TRMT10C: variants seen among roughly 807,000 people sequenced by gnomAD.
The protein encoded by TRMT10C is tRNA methyltransferase 10 homolog C.
Under a neutral mutation model 27.4 loss-of-function variants are expected in TRMT10C, and 14 were observed. That is an observed-to-expected ratio of 0.51 (90% CI 0.34 to 0.80). The LOEUF (loss-of-function observed/expected upper bound fraction) is 0.80, where lower values mean the gene tolerates loss of function less well. Among genes scored for constraint, TRMT10C ranks in the 30% least tolerant of loss-of-function variants. The pLI, the probability that TRMT10C is intolerant of heterozygous loss-of-function variation, is 0.02. For missense variants in TRMT10C, 438 were observed against 464.8 expected, an observed-to-expected ratio of 0.94 and a Z score of 0.53; for synonymous variants, 143 against 155.9, an observed-to-expected ratio of 0.92 and a Z score of 0.62.
In TRMT10C at chr3:101,564,928, T is replaced by C. The variant is rs1934484162; in HGVS notation, c.147T>C (p.Tyr49=). Residue 49 remains tyrosine (Y), a synonymous_variant, in exon 2 of 2, where the codon TAT becomes TAC. Transcript: ENST00000309922. ...YMSSKIPAVT[Y]PKNESTPPSE... ...CTTCCAAAATACCAGCTGTTACTTA[T>C]CCTAAAAATGAGAGTACACCCCCTT... The C allele has an allele frequency of 6.2e-7, 1 of 1,613,808 alleles. No individual in the cohort carries two copies. The highest frequency in any genetic ancestry group is 8.5e-7 in the Non-Finnish European group (1 of 1,179,966).
In TRMT10C at chr3:101,565,667, A is replaced by G. The variant is rs1384999527; in HGVS notation, c.886A>G (p.Asn296Asp). ...TATCTATTTAACTGCAGATTCTCCC[A>G]ATGTTATGACTACTTTCAGGCATGA... ...SIIYLTADSP[N>D]VMTTFRHDKV... is the part of the protein sequence containing the mutation. Residue 296 changes from asparagine (N) to aspartate (D), a missense_variant, in exon 2 of 2, where the codon AAT becomes GAT. Asn to Asp is a conservative substitution (Grantham distance 23). Coordinates refer to ENST00000309922, the MANE Select transcript of TRMT10C (RefSeq NM_017819.4). The G allele has an allele frequency of 1.2e-6, 2 of 1,614,056 alleles. No individual in the cohort carries two copies. Among genetic ancestry groups the G allele is most frequent in the Non-Finnish European group, 1.7e-6 (2 of 1,180,012 alleles).
chr3:101,562,689 T>C (rs1330749017), intron 1 of TRMT10C, among the ~76,000 whole-genome samples: 1 of 151,848 alleles, frequency 6.6e-6, no homozygotes, highest in Non-Finnish European at 1.5e-5. Flanking sequence ...TTTTTCTTTT[T>C]TTTTTTTTTA....
Position 101,564,847 on chromosome 3 carries a change from G to T in TRMT10C, c.66G>T (p.Val22=). ...TCAGACCTTTCACCAGGTTTTTGGT[G>T]CCATTTACCCTTCATAGGAAGAGAA... ...NFFRPFTRFL[V]PFTLHRKRNN... The change falls in exon 2 of 2, where the codon GTG becomes GTT. Residue 22 remains valine, a synonymous_variant. Coordinates refer to ENST00000309922, the MANE Select transcript of TRMT10C (RefSeq NM_017819.4). 6.2e-7 allele frequency: 1 copy of T among 1,612,278 alleles called. No homozygotes were observed. The highest frequency in any genetic ancestry group is 1.7e-4 in the Middle Eastern group (1 of 6,054).
In TRMT10C at chr3:101,565,384, T is replaced by A; in HGVS notation, c.603T>A (p.Phe201Leu). ...MGWKGAQAMQ[F>L]GQPLVFDMAY... ...GGAAGGGTGCCCAGGCCATGCAGTT[T>A]GGACAACCTTTGGTTTTTGACATGG... The change falls in exon 2 of 2, where the codon TTT becomes TTA. Residue 201 changes from phenylalanine (F) to leucine (L), a missense_variant. By Grantham distance (22) the Phe-to-Leu change is conservative. Around this residue, in one of 3 missense-constraint regions of TRMT10C, gnomAD observed 350 missense variants for 370.5 expected, o/e 0.94. Coordinates refer to ENST00000309922, the MANE Select transcript of TRMT10C (RefSeq NM_017819.4). 3 of 1,614,152 alleles carry A rather than the reference T, an allele frequency of 1.9e-6. No homozygotes were observed. Among genetic ancestry groups the A allele is most frequent in the Non-Finnish European group, 2.5e-6 (3 of 1,180,036 alleles).
In TRMT10C at chr3:101,565,473, A is replaced by G; in HGVS notation, c.692A>G (p.Glu231Gly). The G allele has an allele frequency of 6.2e-7, 1 of 1,614,166 alleles. No homozygotes were observed. The change falls in exon 2 of 2, where the codon GAA becomes GGA. Residue 231 changes from glutamate to glycine, a missense_variant. Glu to Gly is a moderately conservative substitution (Grantham distance 98). Around this residue, in one of 3 missense-constraint regions of TRMT10C, gnomAD observed 350 missense variants for 370.5 expected, o/e 0.94. Transcript: ENST00000309922. ...QNTVSQLLES[E>G]GWNRRNVDPF... is the part of the protein sequence containing the mutation. Reference sequence around the variant, plus strand: ...ACTGTTTCCCAGCTTTTAGAAAGTGAAGGATGGAACAGAAGAAATGTTGAT... The same window carrying G: ...ACTGTTTCCCAGCTTTTAGAAAGTGGAGGATGGAACAGAAGAAATGTTGAT...
In TRMT10C at chr3:101,565,864, A is replaced by T; in HGVS notation, c.1083A>T (p.Leu361Phe). ...LTLDQMIRILLCLKNNGNWQE... is the reference protein window; with the variant it reads ...LTLDQMIRILFCLKNNGNWQE... The stretch of plus-strand genomic sequence containing the variant: ...TAGATCAAATGATACGTATTTTGTT[A>T]TGTCTGAAAAACAATGGTAATTGGC... The change falls in exon 2 of 2, where the codon TTA becomes TTT. Residue 361 changes from leucine to phenylalanine, a missense_variant. Leu to Phe is a conservative substitution (Grantham distance 22). Transcript: ENST00000309922. 1 of 1,614,222 alleles carries T rather than the reference A, an allele frequency of 6.2e-7. No homozygotes were observed.
chr3:101,566,048 C>T lies in TRMT10C; in HGVS notation c.*55C>T. On this transcript the variant is annotated 3_prime_UTR_variant, in exon 2 of 2. Coordinates refer to ENST00000309922, the MANE Select transcript of TRMT10C (RefSeq NM_017819.4). ...ACAGAACACGTGGCTCAAATGAGAA[C>T]ATTTGATGGCTTAAAAAGTAAATGC... is the stretch of plus-strand genomic sequence containing the variant. 1 of 1,502,620 alleles carries T rather than the reference C, an allele frequency of 6.7e-7. No homozygotes were observed. The highest frequency in any genetic ancestry group is 8.9e-7 in the Non-Finnish European group (1 of 1,122,234). 93.1% of individuals were successfully genotyped at this position (1,502,620 alleles called of 1,614,324 possible). A position where few individuals can be genotyped will look rare whatever the true frequency, so the allele number is the denominator to read the frequency against.
intron 1 of TRMT10C, 116 bp from the exon 2 acceptor site, chr3:101,564,654 C>A: frequency 9.3e-7 from 1 of 1,069,674 alleles, no homozygotes. Context: ...AAAGATTTTA[C>A]CTTGTGTTTC....
intron 1 of TRMT10C, among the ~76,000 whole-genome samples, chr3:101,563,375 C>T (rs1934456403): frequency 6.6e-6 from 1 of 152,158 alleles, no homozygotes; most frequent in South Asian, 2.1e-4. Flanking sequence ...TCAGGCTGGT[C>T]TCAAACTCCT....
At chr3:101,562,604 G>A (rs552799584) in intron 1 of TRMT10C, among the ~76,000 whole-genome samples, 37 of 152,174 alleles carry the variant, frequency 2.4e-4, no homozygotes, top group Admixed American at 2.4e-3. Context: ...CCGAGATCGC[G>A]CCACTATACT....
At position 101,565,511 on chromosome 3, in the gene TRMT10C, T is replaced by C. The variant is rs773535960; in HGVS notation, c.730T>C (p.Tyr244His). The C allele has an allele frequency of 6.2e-7, 1 of 1,613,524 alleles. No homozygotes were observed. ...NRRNVDPFHI[Y>H]FCNLKIDGAL... ...AAGAAATGTTGATCCTTTCCATATT[T>C]ATTTCTGCAATCTAAAAATAGATGG... Residue 244 changes from tyrosine (Y) to histidine (H), a missense_variant, in exon 2 of 2, where the codon TAT becomes CAT. Around this residue, in one of 3 missense-constraint regions of TRMT10C, gnomAD observed 350 missense variants for 370.5 expected, o/e 0.94. Transcript: ENST00000309922.
At chr3:101,564,241 A>G in intron 1 of TRMT10C, among the ~76,000 whole-genome samples, 1 of 149,808 alleles carries the variant, frequency 6.7e-6, no homozygotes, top group Non-Finnish European at 1.5e-5. Flanking sequence ...ATTCATGTCT[A>G]AAATAAGAAC....
rs373785690 is a variant in TRMT10C, at chr3:101,565,731, T to G, written c.950T>G (p.Met317Arg). 14 of 1,614,126 alleles carry G rather than the reference T, an allele frequency of 8.7e-6. No homozygotes were observed. In the Admixed American group the frequency reaches 1.7e-4, roughly 19 times the overall value. Residue 317 changes from methionine to arginine, a missense_variant, in exon 2 of 2, where the codon ATG (methionine) becomes AGG (arginine). Physicochemically the swap from Met to Arg is moderately conservative, Grantham distance 91. Coordinates refer to ENST00000309922, the MANE Select transcript of TRMT10C (RefSeq NM_017819.4). Reference sequence around the variant, plus strand: ...ATTGGGTCTTTTGTTGATAAGAGTATGCAGCCAGGCACATCCCTAGCCAAG... The same window carrying G: ...ATTGGGTCTTTTGTTGATAAGAGTAGGCAGCCAGGCACATCCCTAGCCAAG... Reference protein sequence around the residue: ...YVIGSFVDKSMQPGTSLAKAK... With the variant: ...YVIGSFVDKSRQPGTSLAKAK...
chr3:101,565,589 C>T lies in TRMT10C; in HGVS notation c.808C>T (p.Leu270Phe). ...KRYQEKWDKLLLTSTEKSHVD... is the reference protein window; with the variant it reads ...KRYQEKWDKLFLTSTEKSHVD... ...GTATCAAGAAAAATGGGACAAATTG[C>T]TTTTAACATCAACAGAAAAGTCTCA... The change falls in exon 2 of 2, where the codon CTT (leucine) becomes TTT (phenylalanine). Residue 270 changes from leucine to phenylalanine, a missense_variant. By Grantham distance (22) the Leu-to-Phe change is conservative (BLOSUM62 0). Around this residue, in one of 3 missense-constraint regions of TRMT10C, gnomAD observed 350 missense variants for 370.5 expected, o/e 0.94. Coordinates refer to ENST00000309922, the MANE Select transcript of TRMT10C (RefSeq NM_017819.4). The T allele has an allele frequency of 6.2e-7, 1 of 1,614,076 alleles. No homozygotes were observed. Among genetic ancestry groups the T allele is most frequent in the Non-Finnish European group, 8.5e-7 (1 of 1,179,998 alleles).
At chr3:101,562,252 C>G (rs973357752) in intron 1 of TRMT10C, 3 of 152,210 alleles carry the variant, frequency 2.0e-5, no homozygotes, top group Non-Finnish European at 4.4e-5. Context: ...TTGCCAGTTA[C>G]AAGAATAAAA....
In TRMT10C at chr3:101,565,369, C is replaced by T. The variant is rs1354460766; in HGVS notation, c.588C>T (p.Ala196=). ...NMDIAMGWKG[A]QAMQFGQPLV... The stretch of plus-strand genomic sequence containing the variant: ...ACATAGCAATGGGCTGGAAGGGTGC[C>T]CAGGCCATGCAGTTTGGACAACCTT... Residue 196 remains alanine (A), a synonymous_variant, in exon 2 of 2, where the codon GCC becomes GCT. Transcript: ENST00000309922. 2.5e-6 allele frequency: 4 copies of T among 1,613,914 alleles called. No individual in the cohort carries two copies. Among genetic ancestry groups the T allele is most frequent in the African/African-American group, 1.3e-5 (1 of 74,870 alleles).
Position 101,565,299 on chromosome 3 carries a change from A to G in TRMT10C, c.518A>G (p.Lys173Arg). ...IKLLETTEED[K>R]QKNFLFLRLW... ...CTGCTAGAAACCACTGAGGAAGATA[A>G]ACAGAAAAACTTTCTATTTTTACGA... is the stretch of plus-strand genomic sequence containing the variant. The change falls in exon 2 of 2, where the codon AAA becomes AGA. Residue 173 changes from lysine to arginine, a missense_variant. Lys to Arg is a conservative substitution (Grantham distance 26, BLOSUM62 2). Around this residue, in one of 3 missense-constraint regions of TRMT10C, gnomAD observed 350 missense variants for 370.5 expected, o/e 0.94. Coordinates refer to ENST00000309922, the MANE Select transcript of TRMT10C (RefSeq NM_017819.4). 1 of 1,613,620 alleles carries G rather than the reference A, an allele frequency of 6.2e-7. No homozygotes were observed. Among genetic ancestry groups the G allele is most frequent in the Non-Finnish European group, 8.5e-7 (1 of 1,179,868 alleles).
intron 1 of TRMT10C, among the ~76,000 whole-genome samples, chr3:101,563,812 G>A (rs1242797790): frequency 6.6e-6 from 1 of 152,134 alleles, no homozygotes; most frequent in Non-Finnish European, 1.5e-5. Context: ...ATAAAACTGT[G>A]GAGCTTTATA....
intron 1 of TRMT10C, among the ~76,000 whole-genome samples, chr3:101,562,635 G>A (rs1232319240): frequency 2.0e-5 from 3 of 151,764 alleles, no homozygotes; most frequent in Non-Finnish European, 4.4e-5. Flanking sequence ...GTGACAGAGC[G>A]AGACTCCGTC....
Sources: gnomAD v4.1 joint callset for allele counts (sites outside exome capture counted in the v4.1 genomes callset) on GRCh38, gnomAD v4.1.1 for gene constraint, gnomAD v4.1.1 regional missense constraint, MANE v1.5 for transcripts, NCBI Gene and HGNC (gene_info 2026-07-23, HGNC 2026-07-21) for gene names.